POPDC3: variants seen among roughly 807,000 people sequenced by gnomAD.
POPDC3 encodes the protein popeye domain-containing protein 3.
Under a neutral mutation model 28.2 loss-of-function variants are expected in POPDC3, and 20 were observed. The ratio of observed to expected loss-of-function variants is 0.71; its 90% CI spans 0.50 to 1.03. The LOEUF is 1.03. POPDC3 is among the 50% of genes least tolerant of loss of function. POPDC3 has a pLI of 0.00. For synonymous variants in POPDC3, 118 were observed against 124.1 expected, an observed-to-expected ratio of 0.95 and a Z score of 0.33; for missense variants, 316 against 345.9, an observed-to-expected ratio of 0.91 and a Z score of 0.69.
At chr6:105,178,456 T>C (rs985100917) in intron 1 of POPDC3, among the ~76,000 whole-genome samples, 10 of 152,128 alleles carry the variant, frequency 6.6e-5, no homozygotes, top group African/African-American at 1.9e-4. Flanking sequence ...GGGACTGATA[T>C]GATTAAAGAA....
At chr6:105,174,691 G>T (rs1024793936) in intron 1 of POPDC3, among the ~76,000 whole-genome samples, 7 of 152,142 alleles carry the variant, frequency 4.6e-5, no homozygotes, top group Non-Finnish European at 1.0e-4. Flanking sequence ...GGACTGTCTG[G>T]AAAGAAACAT....
intron 1 of POPDC3, among the ~76,000 whole-genome samples, chr6:105,166,304 A>G (rs1196961943): frequency 1.3e-5 from 2 of 152,208 alleles, no homozygotes; most frequent in Non-Finnish European, 2.9e-5. Flanking sequence ...AGGTCTTAAC[A>G]CCAGGTGTTT....
intron 1 of POPDC3, among the ~76,000 whole-genome samples, chr6:105,165,767 G>A (rs1774442622): frequency 6.6e-6 from 1 of 152,172 alleles, no homozygotes; most frequent in Non-Finnish European, 1.5e-5. Context: ...GTAGTCAGTG[G>A]TATTGAGTGA....
At chr6:105,158,772 C>T in intron 3 of POPDC3, 21 bp from the exon 4 acceptor site, 3 of 1,549,486 alleles carry the variant, frequency 1.9e-6, no homozygotes, top group Non-Finnish European at 2.6e-6. Flanking sequence ...CAAGACCACA[C>T]ATAAACAGAT....
rs988210843 is a variant in POPDC3, at chr6:105,161,980, G to T, written c.-71C>A. The T allele has an allele frequency of 9.9e-6, 15 of 1,522,204 alleles. No homozygotes were observed. The highest frequency in any genetic ancestry group is 9.6e-6 in the Non-Finnish European group (11 of 1,140,636). 94.3% of individuals were successfully genotyped at this position (1,522,204 alleles called of 1,614,324 possible). A position where few individuals can be genotyped will look rare whatever the true frequency, so the allele number is the denominator to read the frequency against. On this transcript the variant is annotated 5_prime_UTR_variant, in exon 2 of 4. Coordinates refer to ENST00000254765, the MANE Select transcript of POPDC3 (RefSeq NM_022361.5). Reference sequence around the variant, plus strand: ...ACTGAAACAGGTAACTAAGTCCTTTGGTTCTCCATCATGAGAGTTTTGTGC... The same window carrying T: ...ACTGAAACAGGTAACTAAGTCCTTTTGTTCTCCATCATGAGAGTTTTGTGC...
rs555748197 is a variant in POPDC3, at chr6:105,158,243, A to T, written c.*227T>A. On this transcript the variant is annotated 3_prime_UTR_variant, in exon 4 of 4. Coordinates refer to ENST00000254765, the MANE Select transcript of POPDC3 (RefSeq NM_022361.5). ...ATGCAGAAAAGGGCAAACTGCCCATAGTTATCCACCCCCTCCCCAATTATA... is the reference window on the plus strand; with the variant it reads ...ATGCAGAAAAGGGCAAACTGCCCATTGTTATCCACCCCCTCCCCAATTATA... 8.4e-6 allele frequency: 4 copies of T among 475,470 alleles called. No homozygotes were observed. The South Asian group carries it at 1.6e-4, about 19-fold the overall frequency. 29.5% of individuals were successfully genotyped at this position (475,470 alleles called of 1,614,324 possible). A position where few individuals can be genotyped will look rare whatever the true frequency, so the allele number is the denominator to read the frequency against.
intron 1 of POPDC3, chr6:105,176,839 G>A (rs1382941011): frequency 6.6e-6 from 1 of 152,206 alleles, no homozygotes; most frequent in Non-Finnish European, 1.5e-5. Context: ...GATTACAGGC[G>A]TGAGCCACCA....
intron 1 of POPDC3, chr6:105,178,673 T>C: frequency 1.3e-5 from 12 of 951,624 alleles, no homozygotes; most frequent in Non-Finnish European, 1.5e-5. Context: ...CTCTTCATTT[T>C]GCGAATATGG....
intron 1 of POPDC3, among the ~76,000 whole-genome samples, chr6:105,170,875 T>C (rs1036940882): frequency 6.6e-6 from 1 of 152,162 alleles, no homozygotes; most frequent in African/African-American, 2.4e-5. Flanking sequence ...TACACAAATA[T>C]GGCACTTGAT....
intron 1 of POPDC3, chr6:105,179,090 C>A: frequency 1.0e-6 from 1 of 985,418 alleles, no homozygotes; most frequent in Non-Finnish European, 1.2e-6. Context: ...TTTGGCACTG[C>A]CCCTCTTACT....
rs983308017 is a variant in POPDC3 at position 105,179,953 on chromosome 6, C to G, written c.-372G>C. 8 of 149,484 alleles carry G rather than the reference C, an allele frequency of 5.4e-5. No individual in the cohort carries two copies. Among genetic ancestry groups the G allele is most frequent in the Non-Finnish European group, 8.9e-5 (6 of 67,276 alleles). 9.3% of individuals were successfully genotyped at this position (149,484 alleles called of 1,614,324 possible). On this transcript the variant is annotated 5_prime_UTR_variant, in exon 1 of 4. Coordinates refer to ENST00000254765, the MANE Select transcript of POPDC3 (RefSeq NM_022361.5). ...CAGCGTCCCCCTCGTGAGTGCCTCG[C>G]CGCCCACCCTGCGGCGCCGGGCGCA... is the stretch of plus-strand genomic sequence containing the variant.
chr6:105,159,929 C>T (rs1774284034), intron 2 of POPDC3, 110 bp from the exon 3 acceptor site: 1 of 667,498 alleles, frequency 1.5e-6, no homozygotes, highest in Non-Finnish European at 2.6e-6. Context: ...GACTCTTGCC[C>T]TTTATGATTT....
At position 105,161,896 on chromosome 6, in the gene POPDC3, G is replaced by C; in HGVS notation, c.14C>G (p.Ser5Ter). The C allele has an allele frequency of 6.3e-7, 1 of 1,599,718 alleles. No homozygotes were observed. Among genetic ancestry groups the C allele is most frequent in the African/African-American group, 1.3e-5 (1 of 74,216 alleles). MERN[S>*]SLWKNLIDEH... ...ATCTATTAGGTTCTTCCATAAACTTGAATTTCTTTCCATGGCTGTATTACT... is the reference window on the plus strand; with the variant it reads ...ATCTATTAGGTTCTTCCATAAACTTCAATTTCTTTCCATGGCTGTATTACT... Residue 5 changes from serine (S) to a stop codon, truncating the protein, a stop_gained, in exon 2 of 4, where the codon TCA (serine) becomes TGA (stop). Coordinates refer to ENST00000254765, the MANE Select transcript of POPDC3 (RefSeq NM_022361.5). LOFTEE classifies it high-confidence loss of function.
rs2787113 is a variant in POPDC3 at position 105,179,936 on chromosome 6, C to G, written c.-355G>C. 0.86 allele frequency: 129,430 copies of G among 150,092 alleles called. 57,185 individuals carry two copies. Among genetic ancestry groups the G allele is most frequent in the Non-Finnish European group, 0.96 (64,457 of 67,466 alleles). 9.3% of individuals were successfully genotyped at this position (150,092 alleles called of 1,614,324 possible). ...GCCCGCGCGGAAGCCCTCAGCGTCC[C>G]CCTCGTGAGTGCCTCGCCGCCCACC... is the stretch of plus-strand genomic sequence containing the variant. On this transcript the variant is annotated 5_prime_UTR_variant, in exon 1 of 4. Coordinates refer to ENST00000254765, the MANE Select transcript of POPDC3 (RefSeq NM_022361.5).
intron 1 of POPDC3, 108 bp from the exon 2 acceptor site, chr6:105,162,268 A>C (rs1186138881): frequency 4.3e-6 from 2 of 464,648 alleles, no homozygotes; most frequent in Non-Finnish European, 5.8e-6. Flanking sequence ...CCCATTTTCT[A>C]TGAAGTTAGA....
At position 105,159,816 on chromosome 6, in the gene POPDC3, G is replaced by T; in HGVS notation, c.489C>A (p.Ile163=). 1 of 1,600,084 alleles carries T rather than the reference G, an allele frequency of 6.2e-7. No individual in the cohort carries two copies. Among genetic ancestry groups the T allele is most frequent in the South Asian group, 1.1e-5 (1 of 90,768 alleles). ...GAAATTCGCCATCAACTGTCACTCT[G>T]ATCCTATCAAAACACAAGAACAACA... ...DKLSLLVSGR[I]RVTVDGEFLH... Residue 163 remains isoleucine (I), a synonymous_variant, in exon 3 of 4, where the codon ATC becomes ATA. Coordinates refer to ENST00000254765, the MANE Select transcript of POPDC3 (RefSeq NM_022361.5).
At chr6:105,179,081 T>C in intron 1 of POPDC3, 1 of 985,488 alleles carries the variant, frequency 1.0e-6, no homozygotes. Flanking sequence ...GGCTAAATTT[T>C]TGGCACTGCC....
At chr6:105,174,648 G>A (rs969382905) in intron 1 of POPDC3, among the ~76,000 whole-genome samples, 3 of 152,142 alleles carry the variant, frequency 2.0e-5, no homozygotes, top group Non-Finnish European at 4.4e-5. Context: ...TTATAAAGTT[G>A]AAAAATGGTT....
chr6:105,163,264 T>C (rs1001905948), intron 1 of POPDC3, among the ~76,000 whole-genome samples: 2 of 152,134 alleles, frequency 1.3e-5, no homozygotes, highest in African/African-American at 4.8e-5. Context: ...TACTTACATA[T>C]TTATTTATCA....
Sources: gnomAD v4.1 joint callset for allele counts (sites outside exome capture counted in the v4.1 genomes callset) on GRCh38, gnomAD v4.1.1 for gene constraint, MANE v1.5 for transcripts, NCBI Gene and HGNC (gene_info 2026-07-23, HGNC 2026-07-21) for gene names.